The following SNTG2 variants were observed in gnomAD, a reference collection of about 807,000 sequenced individuals.
SNTG2 encodes the protein syntrophin gamma 2.
A neutral mutation model predicts 70.9 loss-of-function variants in SNTG2; 74 were observed. The observed-to-expected ratio is 1.04, with a 90% CI of 0.86 to 1.27. The LOEUF is 1.27. SNTG2 is among the 50% of genes most tolerant of loss of function. The pLI is 0.00. For missense variants in SNTG2, 717 were observed against 690.7 expected (o/e 1.04, Z -0.43); for synonymous variants, 278 against 273.8 (o/e 1.02, Z -0.15).
chr2:951,124 C>T (rs1659941648), intron 1 of SNTG2, 56 bp downstream of exon 1: 2 of 805,076 alleles, frequency 2.5e-6, no homozygotes, highest in African/African-American at 1.8e-5. Context: ...CTCTCCTTCG[C>T]GCCCTTCTCC....
At chr2:1,057,271 T>C (rs755362053) in intron 1 of SNTG2, among the ~76,000 whole-genome samples, 3 of 152,136 alleles carry the variant, frequency 2.0e-5, no homozygotes, top group Non-Finnish European at 2.9e-5. Context: ...TTTATCTCTA[T>C]TCTGGCTGTA....
intron 9 of SNTG2, among the ~76,000 whole-genome samples, chr2:1,216,538 G>A (rs1674405161): frequency 6.6e-6 from 1 of 152,112 alleles, no homozygotes; most frequent in African/African-American, 2.4e-5. Flanking sequence ...TTCTTTTGCT[G>A]TGCAGAAGCT....
chr2:1,185,424 C>G (rs1281659105), intron 8 of SNTG2, among the ~76,000 whole-genome samples: 4 of 152,208 alleles, frequency 2.6e-5, no homozygotes, highest in Non-Finnish European at 4.4e-5. Context: ...CCGCACATTT[C>G]CCCTCTGCAC....
intron 14 of SNTG2, among the ~76,000 whole-genome samples, chr2:1,281,221 TTGTGTTTATGTGGTGTGG>T (rs2148206440): frequency 2.6e-5 from 1 of 37,820 alleles, no homozygotes; most frequent in Non-Finnish European, 5.4e-5. Flanking sequence ...GTGTGTGTGT[TTGTGTTTATGTGGTGTGG>T]TGTGTGGTGT....
At chr2:1,042,250 T>C (rs1661480099) in intron 1 of SNTG2, among the ~76,000 whole-genome samples, 1 of 152,244 alleles carries the variant, frequency 6.6e-6, no homozygotes, top group Non-Finnish European at 1.5e-5. Context: ...TAATTCATGC[T>C]TTGATTGGAA....
intron 1 of SNTG2, among the ~76,000 whole-genome samples, chr2:965,831 C>T (rs1660543957): frequency 6.6e-6 from 1 of 152,174 alleles, no homozygotes; most frequent in Non-Finnish European, 1.5e-5. Flanking sequence ...GCTCCCTGCA[C>T]ATGGCTCTCC....
chr2:1,364,737 CAAAAA>C (rs371977526), intron 16 of SNTG2, among the ~76,000 whole-genome samples: 35,177 of 131,954 alleles, frequency 0.27, 4,801 homozygotes, highest in East Asian at 0.5. Flanking sequence ...CTAAAAATAC[CAAAAA>C]AAAAAAAAAA....
At chr2:1,215,755 C>A (rs2148009514) in intron 9 of SNTG2, among the ~76,000 whole-genome samples, 1 of 144,530 alleles carries the variant, frequency 6.9e-6, no homozygotes, top group African/African-American at 2.5e-5. Flanking sequence ...CTTCCTGTGT[C>A]CAGGTGTTCT....
intron 4 of SNTG2, among the ~76,000 whole-genome samples, chr2:1,133,980 T>C (rs4366937): frequency 0.48 from 72,214 of 151,954 alleles, 18,183 homozygotes; most frequent in East Asian, 0.65. Context: ...TGGATGTGTT[T>C]AGAGTTTCTT....
chr2:1,293,439 T>C (rs1359855996), intron 14 of SNTG2, among the ~76,000 whole-genome samples: 1 of 152,134 alleles, frequency 6.6e-6, no homozygotes, highest in Admixed American at 6.5e-5. Flanking sequence ...TTTCTTAAGG[T>C]TAAAAGTTAA....
chr2:1,144,897 A>G (rs1668999761), intron 6 of SNTG2, among the ~76,000 whole-genome samples: 1 of 152,230 alleles, frequency 6.6e-6, no homozygotes, highest in African/African-American at 2.4e-5. Flanking sequence ...ACCAAAATGG[A>G]GTTAAACTAG....
chr2:1,157,005 G>A (rs959544755), intron 6 of SNTG2, among the ~76,000 whole-genome samples: 5 of 152,148 alleles, frequency 3.3e-5, no homozygotes, highest in African/African-American at 1.2e-4. Flanking sequence ...CCCAGGGAAT[G>A]CAGACAGGAA....
intron 9 of SNTG2, among the ~76,000 whole-genome samples, chr2:1,222,105 GTCTCTCTCT>G (rs1675190234): frequency 3.6e-5 from 1 of 27,590 alleles, no homozygotes; most frequent in Admixed American, 3.3e-4. Flanking sequence ...GTCTCTCTCT[GTCTCTCTCT>G]GTCTCTCTCT....
intron 2 of SNTG2, among the ~76,000 whole-genome samples, chr2:1,090,315 A>G (rs898653213): frequency 6.6e-6 from 1 of 152,216 alleles, no homozygotes; most frequent in African/African-American, 2.4e-5. Flanking sequence ...TATTTATTTT[A>G]ATAAGCCTAA....
chr2:1,339,969 C>G (rs1297876126), intron 16 of SNTG2, among the ~76,000 whole-genome samples: 1 of 152,194 alleles, frequency 6.6e-6, no homozygotes, highest in Non-Finnish European at 1.5e-5. Flanking sequence ...CCGCATCGAA[C>G]TGAAATCAAG....
At chr2:973,938 C>G (rs1402960985) in intron 1 of SNTG2, among the ~76,000 whole-genome samples, 1 of 152,118 alleles carries the variant, frequency 6.6e-6, no homozygotes, top group African/African-American at 2.4e-5. Flanking sequence ...TTAAACTCGT[C>G]TCTTACACAC....
At chr2:1,356,940 T>TC (rs374156224) in intron 16 of SNTG2, among the ~76,000 whole-genome samples, 238 of 152,212 alleles carry the variant, frequency 1.6e-3, no homozygotes, top group Middle Eastern at 6.9e-3. Context: ...AAGTGGGTTT[T>TC]TTTTTTTCTT....
intron 4 of SNTG2, among the ~76,000 whole-genome samples, chr2:1,137,377 A>G (rs566909364): frequency 6.6e-6 from 1 of 150,928 alleles, no homozygotes; most frequent in East Asian, 1.9e-4. Flanking sequence ...ATATCAACAG[A>G]TCCACACACT....
intron 2 of SNTG2, among the ~76,000 whole-genome samples, chr2:1,095,223 C>T (rs1190540066): frequency 6.6e-6 from 1 of 152,210 alleles, no homozygotes; most frequent in African/African-American, 2.4e-5. Context: ...TGCAGTCACA[C>T]TGGAGGTCAG....
Sources: allele counts gnomAD v4.1 joint callset (sites outside exome capture counted in the v4.1 genomes callset), GRCh38; gene constraint gnomAD v4.1.1; transcripts MANE v1.5; gene names NCBI Gene and HGNC (gene_info 2026-07-23, HGNC 2026-07-21).